Variants in SRGAP1 observed in about 807,000 individuals in gnomAD.
The protein encoded by SRGAP1 is SLIT-ROBO Rho GTPase-activating protein 1.
SRGAP1 carries 43 observed loss-of-function variants against 121.9 expected under a neutral mutation model. The observed-to-expected ratio is 0.35, with a 90% CI of 0.28 to 0.46. SRGAP1 has a LOEUF of 0.46. SRGAP1 is among the 20% of genes least tolerant of loss of function. The pLI is 1.00. For missense variants in SRGAP1, 1,102 were observed against 1,350.9 expected (o/e 0.82, Z 2.89); for synonymous variants, 447 against 485.4 (o/e 0.92, Z 1.04).
intron 18 of SRGAP1, among the ~76,000 whole-genome samples, chr12:64,121,300 G>A (rs577634098): frequency 6.6e-6 from 1 of 152,072 alleles, no homozygotes; most frequent in African/African-American, 2.4e-5. Flanking sequence ...AGCCACCCAC[G>A]CCCCGCCTTC....
At chr12:63,904,008 A>C in intron 1 of SRGAP1, among the ~76,000 whole-genome samples, 1 of 152,296 alleles carries the variant, frequency 6.6e-6, no homozygotes. Flanking sequence ...AATAACAGTT[A>C]AAAAATAAAC....
In SRGAP1 at chr12:64,015,737, C is replaced by T. The variant is rs144904046; in HGVS notation, c.427-1213C>T. On this transcript the variant is annotated intron_variant, in intron 3 of 21. Coordinates refer to ENST00000355086, the MANE Select transcript of SRGAP1 (RefSeq NM_020762.4). ...TTTGCCCAAGCACCACACAGGACAC[C>T]GAGGGGTTGCAGAACTGATTAAGAT... is the stretch of plus-strand genomic sequence containing the variant. 2.0e-3 allele frequency among the ~76,000 whole-genome samples: 309 copies of T among 152,190 alleles called. 2 individuals are homozygous for T. The highest frequency in any genetic ancestry group is 6.6e-3 in the African/African-American group (273 of 41,530).
chr12:64,161,196 G>C lies in SRGAP1; in HGVS notation c.*18524G>C, dbSNP rs1244895010. 6.6e-6 allele frequency: 1 copy of C among 152,162 alleles called. No individual in the cohort carries two copies. The highest frequency in any genetic ancestry group is 1.5e-5 in the Non-Finnish European group (1 of 68,022). The allele number at this position is 152,162 out of a possible 1,614,324, so 9.4% of individuals were successfully genotyped here. On this transcript the variant is annotated 3_prime_UTR_variant, in exon 22 of 22. Transcript: ENST00000355086. ...TAATTCATTCTCAAAATCTTCCACAGAAATGCTTTCAAACTCAATGCATTA... is the reference window on the plus strand; with the variant it reads ...TAATTCATTCTCAAAATCTTCCACACAAATGCTTTCAAACTCAATGCATTA...
chr12:63,989,822 TG>T, intron 2 of SRGAP1, 87 bp from the exon 3 acceptor site: 1 of 944,738 alleles, frequency 1.1e-6, no homozygotes, highest in Non-Finnish European at 1.6e-6. Context: ...CCATCTGTTG[TG>T]GTTCTTTAGT....
intron 4 of SRGAP1, among the ~76,000 whole-genome samples, chr12:64,039,579 T>G (rs943458488): frequency 1.3e-5 from 2 of 149,746 alleles, no homozygotes; most frequent in Non-Finnish European, 3.0e-5. Flanking sequence ...GAGAGTCACA[T>G]GTTCTCATTT....
At position 64,149,929 on chromosome 12, in the gene SRGAP1, G is replaced by A. The variant is rs1439682288; in HGVS notation, c.*7257G>A. On this transcript the variant is annotated 3_prime_UTR_variant, in exon 22 of 22. Transcript: ENST00000355086. ...TTGGCTTACTTATACTATAGTATAAGCAAATAAGTATTTAAACTTTAGTAT... is the reference window on the plus strand; with the variant it reads ...TTGGCTTACTTATACTATAGTATAAACAAATAAGTATTTAAACTTTAGTAT... The A allele has an allele frequency of 6.6e-6, 1 of 152,134 alleles. No homozygotes were observed. The highest frequency in any genetic ancestry group is 6.5e-5 in the Admixed American group (1 of 15,268). The allele number at this position is 152,134 out of a possible 1,614,324, so 9.4% of individuals were successfully genotyped here.
At chr12:64,012,811 A>G (rs1398991281) in intron 3 of SRGAP1, among the ~76,000 whole-genome samples, 2 of 152,010 alleles carry the variant, frequency 1.3e-5, no homozygotes, top group African/African-American at 2.4e-5. Flanking sequence ...TCGGCCTCCC[A>G]AAGTGCTAGG....
intron 1 of SRGAP1, among the ~76,000 whole-genome samples, chr12:63,927,349 C>T (rs755525589): frequency 3.3e-5 from 5 of 152,196 alleles, no homozygotes; most frequent in Non-Finnish European, 7.3e-5. Flanking sequence ...GGCCCAGTCC[C>T]TAGCTGGCCC....
intron 3 of SRGAP1, among the ~76,000 whole-genome samples, chr12:64,010,310 A>G (rs1260935123): frequency 6.6e-6 from 1 of 152,166 alleles, no homozygotes; most frequent in Non-Finnish European, 1.5e-5. Context: ...ATCCAACCAC[A>G]TAGATCACTT....
At chr12:64,025,521 C>A (rs1565645531) in intron 4 of SRGAP1, among the ~76,000 whole-genome samples, 1 of 152,130 alleles carries the variant, frequency 6.6e-6, no homozygotes, top group African/African-American at 2.4e-5. Flanking sequence ...AAATTCATTC[C>A]TTTGAGACAG....
intron 1 of SRGAP1, among the ~76,000 whole-genome samples, chr12:63,900,213 T>TTTTTTTTC (rs1900901339): frequency 3.1e-4 from 1 of 3,218 alleles, no homozygotes. Context: ...TCTTTTTTTT[T>TTTTTTTTC]TTTTTTTTTT....
rs1185871085 is a variant in SRGAP1, at chr12:64,127,887, C to G, written c.2567C>G (p.Pro856Arg). ...CAACGAAAAAGAGGAGAGCCACCCC[C>G]TCCAGTAAGGCGTCCTGGCAGGACC... Reference protein sequence around the residue: ...ARQRKRGEPPPPVRRPGRTSD... With the variant: ...ARQRKRGEPPRPVRRPGRTSD... Residue 856 changes from proline to arginine, a missense_variant, in exon 21 of 22, where the codon CCT (proline) becomes CGT (arginine). Pro to Arg is a moderately radical substitution (Grantham distance 103). Transcript: ENST00000355086. 2.5e-6 allele frequency: 4 copies of G among 1,612,782 alleles called. No homozygotes were observed. The highest frequency in any genetic ancestry group is 2.2e-5 in the East Asian group (1 of 44,856).
intron 1 of SRGAP1, among the ~76,000 whole-genome samples, chr12:63,865,347 T>A (rs1175392786): frequency 1.3e-5 from 2 of 151,974 alleles, no homozygotes; most frequent in East Asian, 3.9e-4. Context: ...TGGGTGCCTA[T>A]AATCTTAGTT....
At chr12:63,975,990 C>T (rs945585366) in intron 1 of SRGAP1, among the ~76,000 whole-genome samples, 2 of 152,144 alleles carry the variant, frequency 1.3e-5, no homozygotes, top group African/African-American at 2.4e-5. Context: ...GGATGCTTAG[C>T]ATTGCATTTA....
intron 4 of SRGAP1, chr12:64,032,321 G>A (rs912656205): frequency 5.3e-5 from 18 of 337,308 alleles, no homozygotes; most frequent in African/African-American, 8.8e-5. Context: ...GCCAGTTGGC[G>A]TTTCTCCAGT....
At position 64,148,623 on chromosome 12, in the gene SRGAP1, G is replaced by T. The variant is rs1406275061; in HGVS notation, c.*5951G>T. 3 of 152,082 alleles carry T rather than the reference G, an allele frequency of 2.0e-5. No homozygotes were observed. The highest frequency in any genetic ancestry group is 4.2e-4 in the South Asian group (2 of 4,818). 9.4% of individuals were successfully genotyped at this position (152,082 alleles called of 1,614,324 possible). A position where few individuals can be genotyped will look rare whatever the true frequency, so the allele number is the denominator to read the frequency against. ...TAAATATAAAAAAAAGATAACTTGA[G>T]GTCTAGCAATATGTAGTAGATAGCT... is the stretch of plus-strand genomic sequence containing the variant. On this transcript the variant is annotated 3_prime_UTR_variant, in exon 22 of 22. Transcript: ENST00000355086.
At chr12:63,968,826 C>T (rs2032854026) in intron 1 of SRGAP1, among the ~76,000 whole-genome samples, 2 of 152,120 alleles carry the variant, frequency 1.3e-5, no homozygotes, top group African/African-American at 4.8e-5. Context: ...CCTGAAGTGC[C>T]CTGCAGACTG....
intron 1 of SRGAP1, among the ~76,000 whole-genome samples, chr12:63,935,260 T>C (rs996970926): frequency 6.6e-6 from 1 of 152,220 alleles, no homozygotes; most frequent in Non-Finnish European, 1.5e-5. Flanking sequence ...CCTCGTGGAA[T>C]TGTGCCTTAA....
At chr12:64,033,477 G>A (rs964883330) in intron 4 of SRGAP1, among the ~76,000 whole-genome samples, 1 of 152,174 alleles carries the variant, frequency 6.6e-6, no homozygotes, top group African/African-American at 2.4e-5. Context: ...AGCACTTTGG[G>A]AGGCTGTGGT....
Sources: allele counts gnomAD v4.1 joint callset (sites outside exome capture counted in the v4.1 genomes callset), GRCh38; gene constraint gnomAD v4.1.1; transcripts MANE v1.5; gene names NCBI Gene and HGNC (gene_info 2026-07-23, HGNC 2026-07-21).